Variants in NEDD4L observed in about 807,000 individuals in gnomAD.
NEDD4L encodes the protein E3 ubiquitin-protein ligase NEDD4-like.
Under a neutral mutation model 148.9 loss-of-function variants are expected in NEDD4L, and 54 were observed. The ratio of observed to expected loss-of-function variants is 0.36; its 90% CI spans 0.29 to 0.45. NEDD4L has a LOEUF of 0.45. Among genes scored for constraint, NEDD4L ranks in the 20% least tolerant of loss-of-function variants. The pLI is 1.00. For missense variants in NEDD4L, 856 were observed against 1,233.8 expected, an observed-to-expected ratio of 0.69 and a Z score of 4.59; for synonymous variants, 433 against 440.7, an observed-to-expected ratio of 0.98 and a Z score of 0.22.
In NEDD4L at chr18:58,387,342, A is replaced by G. The variant is rs936925069; in HGVS notation, c.2488-97A>G. On this transcript the variant is annotated intron_variant, in intron 26 of 30. Coordinates refer to ENST00000400345, the MANE Select transcript of NEDD4L (RefSeq NM_001144967.3). Reference sequence around the variant, plus strand: ...CATAGGAATCATCAGGAGAGATTATATTTTTTTCTGGCTAACCAGAAAAGT... The same window carrying G: ...CATAGGAATCATCAGGAGAGATTATGTTTTTTTCTGGCTAACCAGAAAAGT... 3 of 1,353,772 alleles carry G rather than the reference A, an allele frequency of 2.2e-6. No individual in the cohort carries two copies. In the African/African-American group the frequency reaches 4.5e-5, roughly 20 times the overall value. The allele number at this position is 1,353,772 out of a possible 1,614,324, so 83.9% of individuals were successfully genotyped here. A position where few individuals can be genotyped will look rare whatever the true frequency, so the allele number is the denominator to read the frequency against.
At chr18:58,082,102 A>ATATATATATATATTTTTTTT in intron 1 of NEDD4L, among the ~76,000 whole-genome samples, 5 of 48,824 alleles carry the variant, frequency 1.0e-4, no homozygotes, top group African/African-American at 6.4e-4. Context: ...ATATATATAT[A>ATATATATATATATTTTTTTT]TTTTTTTTTT....
At chr18:58,072,830 C>T (rs375220182) in intron 1 of NEDD4L, among the ~76,000 whole-genome samples, 25 of 151,810 alleles carry the variant, frequency 1.6e-4, no homozygotes, top group African/African-American at 6.0e-4. Flanking sequence ...TTACAGTTGA[C>T]ATGATCTTGT....
chr18:58,122,863 G>A (rs902779575), intron 1 of NEDD4L, among the ~76,000 whole-genome samples: 3 of 152,058 alleles, frequency 2.0e-5, no homozygotes, highest in African/African-American at 7.2e-5. Flanking sequence ...AGCCCCCTGA[G>A]TAGGGATTAC....
intron 5 of NEDD4L, among the ~76,000 whole-genome samples, chr18:58,311,598 C>T (rs548844346): frequency 6.6e-6 from 1 of 152,196 alleles, no homozygotes; most frequent in African/African-American, 2.4e-5. Flanking sequence ...CTGCTACCAC[C>T]GCCTCTGTCT....
At chr18:58,160,417 G>A (rs556266843) in intron 1 of NEDD4L, among the ~76,000 whole-genome samples, 35 of 152,280 alleles carry the variant, frequency 2.3e-4, no homozygotes, top group African/African-American at 7.9e-4. Flanking sequence ...GAATCACCCC[G>A]TTACACAATA....
At chr18:58,119,912 G>C (rs1325389451) in intron 1 of NEDD4L, among the ~76,000 whole-genome samples, 1 of 152,126 alleles carries the variant, frequency 6.6e-6, no homozygotes, top group Admixed American at 6.5e-5. Flanking sequence ...CAAGCACCAC[G>C]GCCTGTTCTT....
chr18:58,098,758 C>T (rs954021313), intron 1 of NEDD4L, among the ~76,000 whole-genome samples: 2 of 152,170 alleles, frequency 1.3e-5, no homozygotes, highest in Non-Finnish European at 2.9e-5. Flanking sequence ...CTAAGAGGCA[C>T]AGAGGGATAC....
rs1250358967 is a variant in NEDD4L at position 58,256,946 on chromosome 18, T to G, written c.297+4892T>G. Among the ~76,000 whole-genome samples the G allele has an allele frequency of 5.3e-5, 8 of 152,224 alleles. No individual in the cohort carries two copies. Among genetic ancestry groups the G allele is most frequent in the Non-Finnish European group, 1.5e-5 (1 of 68,038 alleles). On this transcript the variant is annotated intron_variant, in intron 5 of 30. Transcript: ENST00000400345. This position sits in a 1 kb window ranked among gnomAD's most constrained non-coding sequence, Gnocchi z 5.2. Reference sequence around the variant, plus strand: ...CGATGATTTGTGGTCCAGTGTTTGGTGCGCAAAACACCATTTCTGCAAATG... The same window carrying G: ...CGATGATTTGTGGTCCAGTGTTTGGGGCGCAAAACACCATTTCTGCAAATG...
intron 18 of NEDD4L, among the ~76,000 whole-genome samples, chr18:58,352,573 C>A (rs1257342444): frequency 6.6e-6 from 1 of 152,152 alleles, no homozygotes; most frequent in African/African-American, 2.4e-5. Flanking sequence ...GCAGGAGAAT[C>A]TCTTGAACCT....
intron 1 of NEDD4L, among the ~76,000 whole-genome samples, chr18:58,097,943 C>T (rs1208595767): frequency 1.3e-5 from 2 of 152,132 alleles, no homozygotes; most frequent in Non-Finnish European, 2.9e-5. Flanking sequence ...GTGGGAGGAT[C>T]GCTTGAGCCT....
intron 2 of NEDD4L, among the ~76,000 whole-genome samples, chr18:58,206,559 G>A (rs1435422286): frequency 6.6e-6 from 1 of 152,170 alleles, no homozygotes; most frequent in African/African-American, 2.4e-5. Context: ...TCAGGTATAA[G>A]CTCTTGGAGG....
At chr18:58,322,327 TA>T in intron 6 of NEDD4L, 97 bp from the exon 7 acceptor site, 1 of 903,868 alleles carries the variant, frequency 1.1e-6, no homozygotes. Context: ...TGCCACATTC[TA>T]AAATTCAAAA....
Position 58,367,843 on chromosome 18 carries a change from G to A in NEDD4L, c.2161G>A (p.Val721Ile), listed in dbSNP as rs764634193. Residue 721 changes from valine (V) to isoleucine (I), a missense_variant, in exon 22 of 31, where the codon GTA becomes ATA. Physicochemically the swap from Val to Ile is conservative, Grantham distance 29. This residue lies in a region of NEDD4L where 286 missense variants were observed against 531.8 expected (regional missense o/e 0.54). Coordinates refer to ENST00000400345, the MANE Select transcript of NEDD4L (RefSeq NM_001144967.3). ...TATTGGAAGAGTTGCTGGTCTGGCC[G>A]TATTTCATGGGAAGCTCTTAGATGG... Reference protein sequence around the residue: ...TFIGRVAGLAVFHGKLLDGFF... With the variant: ...TFIGRVAGLAIFHGKLLDGFF... 30 of 1,613,756 alleles carry A rather than the reference G, an allele frequency of 1.9e-5. No individual in the cohort carries two copies. Among genetic ancestry groups the A allele is most frequent in the East Asian group, 2.2e-5 (1 of 44,906 alleles).
At chr18:58,327,249 C>T (rs1005155562) in intron 9 of NEDD4L, among the ~76,000 whole-genome samples, 9 of 152,186 alleles carry the variant, frequency 5.9e-5, no homozygotes, top group South Asian at 2.1e-4. Context: ...AGGCGCCCGC[C>T]GCCATGCCCA....
intron 1 of NEDD4L, among the ~76,000 whole-genome samples, chr18:58,049,881 G>A (rs1340239780): frequency 6.6e-6 from 1 of 150,946 alleles, no homozygotes; most frequent in African/African-American, 2.4e-5. Flanking sequence ...GGAGGCTGAG[G>A]TGGAAGGATC....
intron 5 of NEDD4L, among the ~76,000 whole-genome samples, chr18:58,268,829 G>A (rs1013962416): frequency 6.6e-6 from 1 of 152,050 alleles, no homozygotes; most frequent in African/African-American, 2.4e-5. Flanking sequence ...TTCTGCAGAG[G>A]TTCTGTGTTT....
At chr18:58,321,723 G>A (rs1411373856) in intron 6 of NEDD4L, among the ~76,000 whole-genome samples, 1 of 152,178 alleles carries the variant, frequency 6.6e-6, no homozygotes, top group Non-Finnish European at 1.5e-5. Flanking sequence ...TTTAATTGAA[G>A]GGTCTAGGTA....
rs142144535 is a variant in NEDD4L at position 58,158,844 on chromosome 18, C to T, written c.49-6944C>T. Among the ~76,000 whole-genome samples, 645 of 152,284 alleles carry T rather than the reference C, an allele frequency of 4.2e-3. 6 individuals carry two copies. Among genetic ancestry groups the T allele is most frequent in the African/African-American group, 0.015 (611 of 41,560 alleles). ...CTTTGTTCTCACCACTCACATCTTACGCCTCTGTTCCACCGCTGTGTAAGA... is the reference window on the plus strand; with the variant it reads ...CTTTGTTCTCACCACTCACATCTTATGCCTCTGTTCCACCGCTGTGTAAGA... On this transcript the variant is annotated intron_variant, in intron 1 of 30. Coordinates refer to ENST00000400345, the MANE Select transcript of NEDD4L (RefSeq NM_001144967.3).
intron 1 of NEDD4L, among the ~76,000 whole-genome samples, chr18:58,126,227 A>G (rs1340345222): frequency 1.3e-5 from 2 of 152,254 alleles, no homozygotes; most frequent in Non-Finnish European, 2.9e-5. Flanking sequence ...AGACATCACC[A>G]TAGCCAATTT....
Sources: gnomAD v4.1 joint callset for allele counts (sites outside exome capture counted in the v4.1 genomes callset) on GRCh38, gnomAD v4.1.1 for gene constraint, gnomAD v4.1.1 regional missense constraint, Gnocchi (gnomAD v3.1) non-coding constraint, MANE v1.5 for transcripts, NCBI Gene and HGNC (gene_info 2026-07-23, HGNC 2026-07-21) for gene names.